The following GSE1 variants were observed in gnomAD, a reference collection of about 807,000 sequenced individuals.
The protein encoded by GSE1 is genetic suppressor element 1.
A neutral mutation model predicts 112.6 loss-of-function variants in GSE1; 32 were observed. The observed-to-expected ratio is 0.28, with a 90% CI of 0.21 to 0.38. The LOEUF is 0.38. Ranked by LOEUF, GSE1 falls within the 10% of genes least tolerant of loss-of-function variation. The pLI is 1.00. For missense variants in GSE1, 2,348 were observed against 1,699.2 expected, an observed-to-expected ratio of 1.38 and a Z score of -6.71; for synonymous variants, 1,115 against 735.6, an observed-to-expected ratio of 1.52 and a Z score of -8.35.
At position 85,316,660 on chromosome 16, in the gene GSE1, G is replaced by A. The variant is rs564923237; in HGVS notation, c.2284-40803G>A. On this transcript the variant is annotated intron_variant, in intron 1 of 2. Transcript: ENST00000637419. ...CAGGCCACCTGCAAGGACAGCAGAC[G>A]TCCTCACTGGGGGCTGCACATCAGC... 9.1e-4 allele frequency among the ~76,000 whole-genome samples: 139 copies of A among 152,318 alleles called. 2 individuals are homozygous for A. The highest frequency in any genetic ancestry group is 3.2e-3 in the African/African-American group (133 of 41,568).
chr16:85,268,432 G>A (rs891763859), intron 1 of GSE1, among the ~76,000 whole-genome samples: 1 of 152,094 alleles, frequency 6.6e-6, no homozygotes, highest in African/African-American at 2.4e-5. Context: ...CCCCTTCCCC[G>A]TCTGGCCCCT....
At chr16:85,212,928 G>A (rs1476519869) in intron 1 of GSE1, among the ~76,000 whole-genome samples, 4 of 152,132 alleles carry the variant, frequency 2.6e-5, no homozygotes, top group African/African-American at 9.7e-5. Context: ...AGGAGTTTGA[G>A]ACCAGCCTGG....
intron 1 of GSE1, among the ~76,000 whole-genome samples, chr16:85,559,503 A>G (rs1013516432): frequency 6.6e-6 from 1 of 152,228 alleles, no homozygotes; most frequent in Non-Finnish European, 1.5e-5. Context: ...GCCTGATGCC[A>G]GATCCCAGAC....
chr16:85,460,374 C>T (rs541866556), intron 2 of GSE1, among the ~76,000 whole-genome samples: 4 of 152,162 alleles, frequency 2.6e-5, no homozygotes, highest in South Asian at 4.1e-4. Context: ...TTAAACTTCC[C>T]GAATTGTCCC....
chr16:85,502,306 T>A (rs1567541564), intron 2 of GSE1, among the ~76,000 whole-genome samples: 1 of 152,210 alleles, frequency 6.6e-6, no homozygotes, highest in African/African-American at 2.4e-5. Flanking sequence ...GAGATCAGCC[T>A]GTGCTGTGGG....
intron 2 of GSE1, among the ~76,000 whole-genome samples, chr16:85,449,458 G>T (rs925968147): frequency 3.3e-5 from 5 of 152,262 alleles, no homozygotes; most frequent in African/African-American, 2.4e-5. Flanking sequence ...ATCCGGCTGC[G>T]GTCGTGGCCC....
exon 1 of GSE1, chr16:85,556,105 G>A: frequency 1.0e-6 from 1 of 984,186 alleles, no homozygotes; most frequent in Non-Finnish European, 1.2e-6. Context: ...TTGCCTGGGC[G>A]CTGGTCGGAG....
At chr16:85,554,783 GA>G, upstream of GSE1, 3 of 650,226 alleles carry the variant, frequency 4.6e-6, no homozygotes, top group Non-Finnish European at 5.7e-6. Flanking sequence ...CGTGGGGGGG[GA>G]GGGAGGGAGG....
In GSE1 at chr16:85,433,588, CTGGATGGATGGATGGA is replaced by C. The variant is rs57012969; in HGVS notation, c.2464+75974_2464+75989del. On this transcript the variant is annotated intron_variant, in intron 2 of 2. Transcript: ENST00000637419. ...AGATGGATGGATGAAGAGAAGGATC[CTGGATGGATGGATGGA>C]TGGATGGATGGATGGATGGATGGAT... Among the ~76,000 whole-genome samples, 828 of 150,172 alleles carry C rather than the reference CTGGATGGATGGATGGA, an allele frequency of 5.5e-3. 2 individuals are homozygous for C. The highest frequency in any genetic ancestry group is 0.018 in the African/African-American group (747 of 40,722).
chr16:85,561,056 CAGG>C (rs2045495721), intron 1 of GSE1, among the ~76,000 whole-genome samples: 1 of 151,620 alleles, frequency 6.6e-6, no homozygotes, highest in African/African-American at 2.4e-5. Flanking sequence ...CACCTGGGCC[CAGG>C]AGGTCGAGGC....
At chr16:85,229,745 G>A (rs973296404) in intron 1 of GSE1, among the ~76,000 whole-genome samples, 5 of 152,188 alleles carry the variant, frequency 3.3e-5, no homozygotes, top group African/African-American at 1.2e-4. Flanking sequence ...CAGCTCCAGG[G>A]TACAACAAAT....
intron 2 of GSE1, among the ~76,000 whole-genome samples, chr16:85,645,522 G>T (rs1220793498): frequency 6.6e-6 from 1 of 152,186 alleles, no homozygotes; most frequent in African/African-American, 2.4e-5. Flanking sequence ...CCCCAAGGGA[G>T]CACCTTTGGG....
chr16:85,602,716 T>C (rs2047520409), intron 1 of GSE1, among the ~76,000 whole-genome samples: 1 of 152,176 alleles, frequency 6.6e-6, no homozygotes, highest in Admixed American at 6.5e-5. Flanking sequence ...GGACAGCCGG[T>C]TGATCTTTAT....
intron 1 of GSE1, among the ~76,000 whole-genome samples, chr16:85,581,034 C>T (rs915171629): frequency 8.5e-5 from 13 of 152,248 alleles, no homozygotes; most frequent in Admixed American, 6.5e-4. Context: ...TGAGCTCTTG[C>T]CCTGCTGGAC....
intron 2 of GSE1, among the ~76,000 whole-genome samples, chr16:85,396,173 G>A (rs1174764357): frequency 2.0e-5 from 3 of 152,146 alleles, no homozygotes; most frequent in Non-Finnish European, 2.9e-5. Flanking sequence ...CAGCAGGCCC[G>A]TCCTTCCTTG....
At chr16:85,199,102 GC>G (rs917881207) in intron 1 of GSE1, among the ~76,000 whole-genome samples, 58 of 152,158 alleles carry the variant, frequency 3.8e-4, no homozygotes, top group African/African-American at 1.2e-3. Context: ...GTGCTACCAT[GC>G]CCAGCTAATT....
chr16:85,646,928 C>G (rs1199141070), intron 2 of GSE1, among the ~76,000 whole-genome samples: 3 of 152,058 alleles, frequency 2.0e-5, no homozygotes, highest in Non-Finnish European at 4.4e-5. Context: ...GAGGCTGGTG[C>G]CTGGTTGGGG....
At position 85,445,442 on chromosome 16, in the gene GSE1, G is replaced by C. The variant is rs376711397; in HGVS notation, c.2464+87799G>C. Among the ~76,000 whole-genome samples the C allele has an allele frequency of 1.5e-4, 23 of 152,324 alleles. No individual in the cohort carries two copies. In the East Asian group the frequency reaches 2.7e-3, roughly 18 times the overall value. Reference sequence around the variant, plus strand: ...TCGCTGGCGGCCACGCACAGCGAGGGGGGGCGGCCAGTCCCCAGACCCCTC... The same window carrying C: ...TCGCTGGCGGCCACGCACAGCGAGGCGGGGCGGCCAGTCCCCAGACCCCTC... On this transcript the variant is annotated intron_variant, in intron 2 of 2. Transcript: ENST00000637419.
chr16:85,221,649 T>C (rs1381762864), intron 1 of GSE1, among the ~76,000 whole-genome samples: 1 of 152,164 alleles, frequency 6.6e-6, no homozygotes, highest in Non-Finnish European at 1.5e-5. Context: ...ACGTGCCGCC[T>C]GAATGGTCTC....
Sources: allele counts gnomAD v4.1 joint callset (sites outside exome capture counted in the v4.1 genomes callset), GRCh38; gene constraint gnomAD v4.1.1; transcripts MANE v1.5; gene names NCBI Gene and HGNC (gene_info 2026-07-23, HGNC 2026-07-21).